Variants in SIPA1L3 observed in about 807,000 individuals in gnomAD.
SIPA1L3 encodes the protein signal-induced proliferation-associated 1-like protein 3.
A neutral mutation model predicts 150.1 loss-of-function variants in SIPA1L3; 59 were observed. The observed-to-expected ratio is 0.39, with a 90% CI of 0.32 to 0.49. SIPA1L3 has a LOEUF of 0.49. Among genes scored for constraint, SIPA1L3 ranks in the 20% least tolerant of loss-of-function variants. The pLI, the probability that SIPA1L3 is intolerant of heterozygous loss-of-function variation, is 0.86. For missense variants in SIPA1L3, 2,211 were observed against 2,489.5 expected (o/e 0.89, Z 2.38); for synonymous variants, 1,070 against 1,077.6 (o/e 0.99, Z 0.14).
intron 1 of SIPA1L3, among the ~76,000 whole-genome samples, chr19:37,986,991 G>A (rs546209603): frequency 2.0e-5 from 3 of 152,174 alleles, no homozygotes; most frequent in African/African-American, 4.8e-5. Context: ...GCAGTGGTGC[G>A]ATCTCGGCTC....
chr19:38,096,044 A>G (rs1970373292), intron 4 of SIPA1L3, among the ~76,000 whole-genome samples: 1 of 152,124 alleles, frequency 6.6e-6, no homozygotes, highest in Admixed American at 6.5e-5. Flanking sequence ...CGTGCTTGTG[A>G]TAAGAGAGAT....
At chr19:38,166,894 T>A (rs2145990216) in intron 15 of SIPA1L3, among the ~76,000 whole-genome samples, 1 of 151,226 alleles carries the variant, frequency 6.6e-6, no homozygotes, top group South Asian at 2.1e-4. Context: ...CTGACCACAG[T>A]CCACAGTAGA....
At chr19:38,157,480 T>C (rs1971974995) in intron 13 of SIPA1L3, among the ~76,000 whole-genome samples, 2 of 152,098 alleles carry the variant, frequency 1.3e-5, no homozygotes, top group South Asian at 4.1e-4. Context: ...CCAGAACCCC[T>C]CCATAAGCTC....
rs559412528 is a variant in SIPA1L3 at position 37,998,081 on chromosome 19, C to T, written c.-378-31008C>T. The stretch of plus-strand genomic sequence containing the variant: ...GCTTTACCTCTCTGTGCCTTAGTTT[C>T]CACATCTGTACCAGAGAGAAGAATG... On this transcript the variant is annotated intron_variant, in intron 1 of 21. Coordinates refer to ENST00000222345, the MANE Select transcript of SIPA1L3 (RefSeq NM_015073.3). Among the ~76,000 whole-genome samples the T allele has an allele frequency of 5.3e-5, 8 of 152,248 alleles. No homozygotes were observed. In the East Asian group the frequency reaches 1.2e-3, roughly 22 times the overall value.
chr19:38,123,850 GGC>G (rs1257326051), intron 9 of SIPA1L3, among the ~76,000 whole-genome samples: 1 of 125,520 alleles, frequency 8.0e-6, no homozygotes, highest in Non-Finnish European at 1.7e-5. Context: ...GCCGGGCAGA[GGC>G]GCCCCTCACC....
intron 2 of SIPA1L3, among the ~76,000 whole-genome samples, chr19:38,040,672 A>G (rs1384891062): frequency 6.6e-6 from 1 of 152,236 alleles, no homozygotes; most frequent in Non-Finnish European, 1.5e-5. Flanking sequence ...TTTAAAAAAA[A>G]TTCAAAATTC....
chr19:38,199,414 G>A (rs2146065524), intron 19 of SIPA1L3, among the ~76,000 whole-genome samples: 1 of 152,340 alleles, frequency 6.6e-6, no homozygotes, highest in South Asian at 2.1e-4. Flanking sequence ...GAAAGGGCTA[G>A]GATAGCCAGA....
intron 15 of SIPA1L3, among the ~76,000 whole-genome samples, chr19:38,172,668 G>A (rs1047605032): frequency 6.6e-6 from 1 of 152,154 alleles, no homozygotes; most frequent in Non-Finnish European, 1.5e-5. Context: ...GGGATGGGGG[G>A]AGAGTGGCAG....
intron 1 of SIPA1L3, among the ~76,000 whole-genome samples, chr19:37,919,444 G>A (rs528721134): frequency 3.9e-5 from 6 of 152,246 alleles, no homozygotes; most frequent in African/African-American, 1.4e-4. Context: ...ACCATGTCTC[G>A]TAAGAGGAAA....
At position 38,193,528 on chromosome 19, in the gene SIPA1L3, G is replaced by GC. The variant is rs1166222742; in HGVS notation, c.4597-5dup. On this transcript the variant is annotated splice_polypyrimidine_tract_variant and intron_variant, in intron 17 of 21. Coordinates refer to ENST00000222345, the MANE Select transcript of SIPA1L3 (RefSeq NM_015073.3). ...TGACCTCCCCCAACATCCCACCCAC[G>GC]CCCCACAGCAGTCACCGCAGAAGGG... 1.4e-6 allele frequency: 2 copies of GC among 1,446,410 alleles called. No individual in the cohort carries two copies. Among genetic ancestry groups the GC allele is most frequent in the African/African-American group, 3.0e-5 (2 of 67,308 alleles). 89.6% of individuals were successfully genotyped at this position (1,446,410 alleles called of 1,614,324 possible). A position where few individuals can be genotyped will look rare whatever the true frequency, so the allele number is the denominator to read the frequency against.
At chr19:38,189,705 G>T (rs946524921) in intron 16 of SIPA1L3, among the ~76,000 whole-genome samples, 7 of 152,188 alleles carry the variant, frequency 4.6e-5, no homozygotes, top group African/African-American at 1.7e-4. Flanking sequence ...GGCGGAGGTT[G>T]CAGTGAGGCA....
At chr19:37,990,711 C>T (rs777516477) in intron 1 of SIPA1L3, among the ~76,000 whole-genome samples, 7 of 152,172 alleles carry the variant, frequency 4.6e-5, no homozygotes, top group South Asian at 2.1e-4. Context: ...AGTGCTTACA[C>T]GCTCTCAGAG....
chr19:37,950,076 CA>C (rs35506284), intron 1 of SIPA1L3, among the ~76,000 whole-genome samples: 285 of 55,698 alleles, frequency 5.1e-3, no homozygotes, highest in Middle Eastern at 0.013. Context: ...GACTGTGTCT[CA>C]AAAAAAAAAA....
chr19:38,187,950 C>G (rs769236841), intron 16 of SIPA1L3, among the ~76,000 whole-genome samples: 1 of 149,768 alleles, frequency 6.7e-6, no homozygotes, highest in Admixed American at 6.7e-5. Context: ...GAGCCGAGAT[C>G]GTGCCACTGC....
intron 15 of SIPA1L3, among the ~76,000 whole-genome samples, chr19:38,169,820 A>C (rs1438506987): frequency 6.6e-6 from 1 of 152,138 alleles, no homozygotes; most frequent in African/African-American, 2.4e-5. Context: ...GGTCAGGTCA[A>C]GATGGGCGAG....
At chr19:38,036,157 C>T (rs188520122) in intron 2 of SIPA1L3, among the ~76,000 whole-genome samples, 67 of 152,294 alleles carry the variant, frequency 4.4e-4, no homozygotes, top group Admixed American at 1.0e-3. Context: ...GTGGCCAGAA[C>T]GCATGGATGC....
intron 2 of SIPA1L3, among the ~76,000 whole-genome samples, chr19:38,049,038 C>T (rs908919523): frequency 5.9e-5 from 9 of 151,342 alleles, no homozygotes; most frequent in South Asian, 2.1e-4. Flanking sequence ...GCTGAGATTG[C>T]GCCACTGCAC....
intron 9 of SIPA1L3, 91 bp downstream of exon 9, chr19:38,119,973 C>T (rs888002741): frequency 8.2e-6 from 7 of 853,604 alleles, no homozygotes; most frequent in Non-Finnish European, 1.2e-5. Flanking sequence ...GTCAGTTAGG[C>T]TAAGACACGC....
intron 12 of SIPA1L3, among the ~76,000 whole-genome samples, chr19:38,149,248 A>G (rs1179205245): frequency 6.6e-6 from 1 of 152,168 alleles, no homozygotes; most frequent in East Asian, 1.9e-4. Context: ...TAAAAATACA[A>G]AAATTAGCTT....
Sources: gnomAD v4.1 joint callset for allele counts (sites outside exome capture counted in the v4.1 genomes callset) on GRCh38, gnomAD v4.1.1 for gene constraint, MANE v1.5 for transcripts, NCBI Gene and HGNC (gene_info 2026-07-23, HGNC 2026-07-21) for gene names.